The following ATAD5 variants were observed in gnomAD, a reference collection of about 807,000 sequenced individuals.
ATAD5 encodes ATPase family AAA domain-containing protein 5.
A neutral mutation model predicts 176.9 loss-of-function variants in ATAD5; 58 were observed. The ratio of observed to expected loss-of-function variants is 0.33; its 90% CI spans 0.27 to 0.41. The LOEUF is 0.41. Ranked by LOEUF, ATAD5 falls within the 10% of genes least tolerant of loss-of-function variation. The pLI, the probability that ATAD5 is intolerant of heterozygous loss-of-function variation, is 1.00. For synonymous variants in ATAD5, 640 were observed against 712.6 expected, an observed-to-expected ratio of 0.90 and a Z score of 1.62; for missense variants, 1,789 against 2,094.1, an observed-to-expected ratio of 0.85 and a Z score of 2.84.
intron 19 of ATAD5, among the ~76,000 whole-genome samples, chr17:30,891,728 G>C (rs554450233): frequency 1.4e-5 from 2 of 147,798 alleles, no homozygotes; most frequent in African/African-American, 5.0e-5. Flanking sequence ...CTCTGTTGCC[G>C]AGGCTGGAGT....
chr17:30,861,114 A>T (rs1907604340), intron 10 of ATAD5, among the ~76,000 whole-genome samples: 2 of 151,412 alleles, frequency 1.3e-5, no homozygotes, highest in African/African-American at 4.9e-5. Flanking sequence ...CGCCCAGGTA[A>T]TTTTTATATT....
chr17:30,868,286 C>A, intron 11 of ATAD5, 47 bp from the exon 12 acceptor site: 2 of 1,442,648 alleles, frequency 1.4e-6, no homozygotes, highest in Non-Finnish European at 1.9e-6. Flanking sequence ...AAGTCTAAGG[C>A]ATAGCTATAT....
chr17:30,847,433 C>T (rs1049161013), intron 6 of ATAD5, among the ~76,000 whole-genome samples: 11 of 151,604 alleles, frequency 7.3e-5, no homozygotes, highest in African/African-American at 2.4e-4. Flanking sequence ...TGGGTTCAAG[C>T]GATTCTCCTG....
chr17:30,854,099 G>C (rs1907143250), intron 6 of ATAD5, among the ~76,000 whole-genome samples: 1 of 150,128 alleles, frequency 6.7e-6, no homozygotes, highest in African/African-American at 2.4e-5. Context: ...GAGCAAAAAA[G>C]AATTTGATCA....
At chr17:30,863,370 A>AT (rs575025587) in intron 10 of ATAD5, among the ~76,000 whole-genome samples, 48,905 of 142,744 alleles carry the variant, frequency 0.34, 8,252 homozygotes, top group South Asian at 0.39. Flanking sequence ...TACTTTATGT[A>AT]TTTTTTTTTT....
rs1909823890 is a variant in ATAD5 at position 30,894,716 on chromosome 17, A to G, written c.5450A>G (p.Lys1817Arg). 1 of 1,604,802 alleles carries G rather than the reference A, an allele frequency of 6.2e-7. No individual in the cohort carries two copies. Among genetic ancestry groups the G allele is most frequent in the Non-Finnish European group, 8.5e-7 (1 of 1,177,250 alleles). ...TEKLKEQGKS[K>R]RRFLHYFEGI... is the part of the protein sequence containing the mutation. ...AAGCTAAAAGAACAAGGAAAAAGTA[A>G]AAGAAGGTAAAGGCTTTATTAAAAA... Residue 1817 changes from lysine to arginine, a missense_variant, in exon 22 of 23, where the codon AAA becomes AGA. Physicochemically the swap from Lys to Arg is conservative, Grantham distance 26. Around this residue, in one of 6 missense-constraint regions of ATAD5, gnomAD observed 403 missense variants for 495.1 expected, o/e 0.81. Transcript: ENST00000321990.
chr17:30,850,871 T>A (rs8065069), intron 6 of ATAD5, among the ~76,000 whole-genome samples: 421 of 10,776 alleles, frequency 0.039, no homozygotes, highest in East Asian at 0.14. Flanking sequence ...ATATATATAT[T>A]TTTTTTTTTT....
At chr17:30,883,970 G>A (rs780511905) in intron 18 of ATAD5, among the ~76,000 whole-genome samples, 4 of 152,084 alleles carry the variant, frequency 2.6e-5, no homozygotes, top group Admixed American at 1.3e-4. Context: ...TAAAGAACAC[G>A]TAACAGTGTA....
Position 30,858,223 on chromosome 17 carries a change from G to C in ATAD5, c.2856G>C (p.Arg952Ser). Reference protein sequence around the residue: ...EVRNLLLEEIRWSNPEFSLKK... With the variant: ...EVRNLLLEEISWSNPEFSLKK... The stretch of plus-strand genomic sequence containing the variant: ...GAAATCTTTTGCTTGAGGAAATTAG[G>C]TGGTCAAATCCTGAATTTTCATTGA... Residue 952 changes from arginine (R) to serine (S), a missense_variant, in exon 9 of 23, where the codon AGG becomes AGC. Physicochemically the swap from Arg to Ser is moderately radical, Grantham distance 110. Transcript: ENST00000321990. 1 of 1,595,804 alleles carries C rather than the reference G, an allele frequency of 6.3e-7. No individual in the cohort carries two copies. Among genetic ancestry groups the C allele is most frequent in the Non-Finnish European group, 8.5e-7 (1 of 1,171,518 alleles).
chr17:30,875,507 G>C (rs1295725590), intron 14 of ATAD5, among the ~76,000 whole-genome samples: 1 of 151,982 alleles, frequency 6.6e-6, no homozygotes, highest in Non-Finnish European at 1.5e-5. Context: ...GTAAGAATGT[G>C]TATTTCTGGC....
At chr17:30,894,236 C>A in intron 21 of ATAD5, 86 bp downstream of exon 21, 1 of 1,166,436 alleles carries the variant, frequency 8.6e-7, no homozygotes, top group Non-Finnish European at 1.2e-6. Flanking sequence ...TTTAAAAATG[C>A]TGTACTATTG....
chr17:30,895,212 A>G lies in ATAD5; in HGVS notation c.*299A>G, dbSNP rs1358026933. 4.7e-6 allele frequency: 1 copy of G among 210,968 alleles called. No homozygotes were observed. The allele number at this position is 210,968 out of a possible 1,614,324, so 13.1% of individuals were successfully genotyped here. ...TCATTAAGATGAACTCCCTATTTCA[A>G]GTGTTTATATTATATATTAGCTTAA... On this transcript the variant is annotated 3_prime_UTR_variant, in exon 23 of 23. Coordinates refer to ENST00000321990, the MANE Select transcript of ATAD5 (RefSeq NM_024857.5).
At position 30,836,002 on chromosome 17, in the gene ATAD5, A is replaced by G. The variant is rs768572188; in HGVS notation, c.1921A>G (p.Thr641Ala). 24 of 1,611,708 alleles carry G rather than the reference A, an allele frequency of 1.5e-5. No individual in the cohort carries two copies. The East Asian group carries it at 3.8e-4, about 25-fold the overall frequency. Residue 641 changes from threonine (T) to alanine (A), a missense_variant, in exon 2 of 23, where the codon ACA (threonine) becomes GCA (alanine). This residue lies in a region of ATAD5 where 487 missense variants were observed against 573.6 expected (regional missense o/e 0.85). Coordinates refer to ENST00000321990, the MANE Select transcript of ATAD5 (RefSeq NM_024857.5). ...CTTATCGGAAAAGCACAGCTTATAT[A>G]CAGCAGAATTAATAACAGTACCCTT... is the stretch of plus-strand genomic sequence containing the variant. ...ANLSEKHSLYTAELITVPFDS... is the reference protein window; with the variant it reads ...ANLSEKHSLYAAELITVPFDS...
chr17:30,850,946 A>C (rs1597965062), intron 6 of ATAD5, among the ~76,000 whole-genome samples: 1 of 120,688 alleles, frequency 8.3e-6, no homozygotes. Context: ...GTGCAGTGGC[A>C]CGATCTCGAC....
chr17:30,888,989 G>A (rs144292511), intron 19 of ATAD5, among the ~76,000 whole-genome samples: 3,983 of 151,236 alleles, frequency 0.026, 193 homozygotes, highest in African/African-American at 0.091. Context: ...GAACCCAGGA[G>A]GCGGAGGCTG....
intron 6 of ATAD5, among the ~76,000 whole-genome samples, chr17:30,848,902 G>A (rs1158867305): frequency 2.6e-5 from 4 of 151,908 alleles, no homozygotes; most frequent in Middle Eastern, 6.8e-3. Context: ...ACAGAGTCTC[G>A]CTCTGTCGCC....
At chr17:30,839,326 G>A (rs926862045) in intron 3 of ATAD5, among the ~76,000 whole-genome samples, 4 of 148,222 alleles carry the variant, frequency 2.7e-5, no homozygotes, top group Non-Finnish European at 5.9e-5. Context: ...TTGCTGTGTT[G>A]CCCAGGCTGG....
chr17:30,893,921 GATGAGT>G lies in ATAD5; in HGVS notation c.5069_5074del (p.Asp1690_Phe1692delinsVal), dbSNP rs1170888017. 1 of 1,614,088 alleles carries G rather than the reference GATGAGT, an allele frequency of 6.2e-7. No homozygotes were observed. The highest frequency in any genetic ancestry group is 8.5e-7 in the Non-Finnish European group (1 of 1,179,946). ...TGGAAAGGTTACAAGTGGACTTTGT[GATGAGT>G]TTAGTCTTGAGAGTAATGATGGATG... On this transcript the variant is annotated inframe_deletion, in exon 21 of 23. Coordinates refer to ENST00000321990, the MANE Select transcript of ATAD5 (RefSeq NM_024857.5).
chr17:30,885,416 T>C (rs2142440516), intron 18 of ATAD5, among the ~76,000 whole-genome samples: 1 of 152,278 alleles, frequency 6.6e-6, no homozygotes, highest in East Asian at 1.9e-4. Context: ...CCTTTGTTTT[T>C]TCTGCCTTTT....
Sources: gnomAD v4.1 joint callset for allele counts (sites outside exome capture counted in the v4.1 genomes callset) on GRCh38, gnomAD v4.1.1 for gene constraint, gnomAD v4.1.1 regional missense constraint, MANE v1.5 for transcripts, NCBI Gene and HGNC (gene_info 2026-07-23, HGNC 2026-07-21) for gene names.